Variants in HERC1 observed in about 807,000 individuals in gnomAD.
HERC1 encodes the protein probable E3 ubiquitin-protein ligase HERC1.
HERC1 carries 160 observed loss-of-function variants against 554.3 expected under a neutral mutation model. The ratio of observed to expected loss-of-function variants is 0.29; its 90% CI spans 0.25 to 0.33. The LOEUF is 0.33. Ranked by LOEUF, HERC1 falls within the 10% of genes least tolerant of loss-of-function variation. HERC1 has a pLI of 1.00. For synonymous variants in HERC1, 2,175 were observed against 2,131.7 expected, an observed-to-expected ratio of 1.02 and a Z score of -0.56; for missense variants, 4,919 against 5,918.5, an observed-to-expected ratio of 0.83 and a Z score of 5.54.
At chr15:63,639,124 A>C (rs1262270335) in intron 61 of HERC1, among the ~76,000 whole-genome samples, 1 of 152,188 alleles carries the variant, frequency 6.6e-6, no homozygotes, top group Non-Finnish European at 1.5e-5. Context: ...TCTGGGCTTC[A>C]GCTTCCTCAT....
chr15:63,623,949 C>T, intron 72 of HERC1, 59 bp from the exon 73 acceptor site: 1 of 1,558,842 alleles, frequency 6.4e-7, no homozygotes, highest in African/African-American at 1.4e-5. Context: ...CCCAAAATCA[C>T]ATGATATCTT....
rs1469913123 is a variant in HERC1 at position 63,756,374 on chromosome 15, G to A, written c.1533+63C>T. ...AGAAAGAACACATCAAAATCTGAAC[G>A]ACATTGTCAATTACAACTCCAATGC... On this transcript the variant is annotated intron_variant, in intron 5 of 77. Coordinates refer to ENST00000443617, the MANE Select transcript of HERC1 (RefSeq NM_003922.4). The surrounding 1 kb of genome is among the most constrained non-coding windows in gnomAD (Gnocchi z 5.0). 1.8e-5 allele frequency: 25 copies of A among 1,353,322 alleles called. No individual in the cohort carries two copies. The highest frequency in any genetic ancestry group is 2.3e-5 in the East Asian group (1 of 43,534). 83.8% of individuals were successfully genotyped at this position (1,353,322 alleles called of 1,614,324 possible).
intron 57 of HERC1, 25 bp from the exon 58 acceptor site, chr15:63,643,575 C>G (rs1411885480): frequency 2.0e-6 from 3 of 1,483,678 alleles, no homozygotes; most frequent in Non-Finnish European, 2.7e-6. Context: ...TTTTAACATG[C>G]ATTAAAATAA....
intron 74 of HERC1, among the ~76,000 whole-genome samples, chr15:63,618,570 T>C (rs1156709269): frequency 2.6e-5 from 4 of 152,094 alleles, no homozygotes; most frequent in African/African-American, 9.7e-5. Context: ...GGGGATGGCA[T>C]TGAATCTATA....
In HERC1 at chr15:63,766,479, T is replaced by C. The variant is rs1023659184; in HGVS notation, c.931-2288A>G. Among the ~76,000 whole-genome samples, 4 of 152,118 alleles carry C rather than the reference T, an allele frequency of 2.6e-5. 1 individual carries two copies. The highest frequency in any genetic ancestry group is 4.1e-4 in the South Asian group (2 of 4,836). On this transcript the variant is annotated intron_variant, in intron 2 of 77. Coordinates refer to ENST00000443617, the MANE Select transcript of HERC1 (RefSeq NM_003922.4). ...GGCATGTGCCTGTAATCCTAGATAC[T>C]TGAGAGGCTGAGGCAGGAAAATCGC...
chr15:63,754,553 G>C lies in HERC1; in HGVS notation c.1726C>G (p.Leu576Val), dbSNP rs755354320. 2.5e-6 allele frequency: 4 copies of C among 1,613,510 alleles called. No individual in the cohort carries two copies. In the South Asian group the frequency reaches 4.4e-5, roughly 18 times the overall value. The change falls in exon 7 of 78, where the codon CTG becomes GTG. Residue 576 changes from leucine to valine, a missense_variant. Leu to Val is a conservative substitution (Grantham distance 32). Coordinates refer to ENST00000443617, the MANE Select transcript of HERC1 (RefSeq NM_003922.4). ...CATACAGTTCTCCCATCTTTAGACA[G>C]AGCAATAGTATGTGAACTGCCACAA... ...VSCGSSHTIA[L>V]SKDGRTVWSF...
rs374495794 is a variant in HERC1 at position 63,674,659 on chromosome 15, T to G, written c.7529A>C (p.Tyr2510Ser). Residue 2510 changes from tyrosine (Y) to serine (S), a missense_variant, in exon 38 of 78, where the codon TAT (tyrosine) becomes TCT (serine). This residue lies in a region of HERC1 where 1,963 missense variants were observed against 2,228.6 expected (regional missense o/e 0.88). Coordinates refer to ENST00000443617, the MANE Select transcript of HERC1 (RefSeq NM_003922.4). ...TGACTTCATAGCACCGAGGTAAAGA[T>G]AGGACAGCTGGACTGCTCTGATTTC... ...QSEIRAVQLS[Y>S]LYLGAMKSLS... 1.9e-6 allele frequency: 3 copies of G among 1,613,898 alleles called. No individual in the cohort carries two copies. Among genetic ancestry groups the G allele is most frequent in the Non-Finnish European group, 1.7e-6 (2 of 1,179,828 alleles).
At chr15:63,824,533 CAA>C (rs34774319) in intron 1 of HERC1, among the ~76,000 whole-genome samples, 5 of 131,968 alleles carry the variant, frequency 3.8e-5, no homozygotes, top group Non-Finnish European at 4.8e-5. Context: ...GACTCCATCT[CAA>C]AAAAAAAAAA....
At chr15:63,828,689 TATA>T (rs567085976) in intron 1 of HERC1, among the ~76,000 whole-genome samples, 212 of 152,260 alleles carry the variant, frequency 1.4e-3, no homozygotes, top group African/African-American at 4.8e-3. Flanking sequence ...GTTTAGTAAC[TATA>T]ATGTTTCATA....
At chr15:63,751,558 T>A (rs2075247457) in intron 8 of HERC1, among the ~76,000 whole-genome samples, 3 of 152,120 alleles carry the variant, frequency 2.0e-5, no homozygotes, top group Admixed American at 6.5e-5. Context: ...TTGGCTTGCC[T>A]TTAGAGACTG....
chr15:63,813,712 A>G (rs1596313410), intron 1 of HERC1, among the ~76,000 whole-genome samples: 1 of 152,288 alleles, frequency 6.6e-6, no homozygotes, highest in African/African-American at 2.4e-5. Flanking sequence ...GTGTTTCTGT[A>G]TGTACCATTT....
At position 63,680,448 on chromosome 15, in the gene HERC1, C is replaced by G; in HGVS notation, c.6465+89G>C. 1 of 1,349,980 alleles carries G rather than the reference C, an allele frequency of 7.4e-7. No individual in the cohort carries two copies. The highest frequency in any genetic ancestry group is 1.0e-6 in the Non-Finnish European group (1 of 990,006). The allele number at this position is 1,349,980 out of a possible 1,614,324, so 83.6% of individuals were successfully genotyped here. ...GAGAAAGGAGAGACGAGCAGATAAT[C>G]TATAAACTGAATACGTGGCACTTGA... On this transcript the variant is annotated intron_variant, in intron 35 of 77. Transcript: ENST00000443617. The surrounding 1 kb of genome is among the most constrained non-coding windows in gnomAD (Gnocchi z 5.8).
chr15:63,637,944 A>C (rs1005775768), intron 63 of HERC1, among the ~76,000 whole-genome samples: 3 of 152,230 alleles, frequency 2.0e-5, no homozygotes, highest in Admixed American at 6.5e-5. Context: ...AAGAAGCAGA[A>C]ACTCGTACAT....
chr15:63,666,196 T>C, intron 41 of HERC1, 46 bp from the exon 42 acceptor site: 7 of 1,505,622 alleles, frequency 4.6e-6, no homozygotes, highest in Non-Finnish European at 5.4e-6. Flanking sequence ...GGCAAAGAAT[T>C]AGGTCTTTAT....
chr15:63,811,412 G>A (rs536098821), intron 1 of HERC1, among the ~76,000 whole-genome samples: 11 of 152,196 alleles, frequency 7.2e-5, no homozygotes, highest in African/African-American at 1.9e-4. Flanking sequence ...GGTGAAAAGC[G>A]CTATTCTTCA....
rs1202488945 is a variant in HERC1, at chr15:63,692,397, C to G, written c.5830+14G>C. 12 of 1,580,848 alleles carry G rather than the reference C, an allele frequency of 7.6e-6. No individual in the cohort carries two copies. The highest frequency in any genetic ancestry group is 1.2e-5 in the South Asian group (1 of 85,002). ...ATCTATAAATACTCTAAGACAAAGGCAAAGGACATGTACCTGAAGAACATT... is the reference window on the plus strand; with the variant it reads ...ATCTATAAATACTCTAAGACAAAGGGAAAGGACATGTACCTGAAGAACATT... On this transcript the variant is annotated intron_variant, in intron 31 of 77. Transcript: ENST00000443617. The surrounding 1 kb of genome is among the most constrained non-coding windows in gnomAD (Gnocchi z 4.7).
At chr15:63,640,573 T>A in intron 60 of HERC1, 128 bp from the exon 61 acceptor site, 1 of 787,222 alleles carries the variant, frequency 1.3e-6, no homozygotes, top group Non-Finnish European at 2.0e-6. Flanking sequence ...TGCTAGGAAA[T>A]AATTTTAGAT....
chr15:63,613,463 T>G (rs1405979064), intron 76 of HERC1, among the ~76,000 whole-genome samples: 1 of 152,200 alleles, frequency 6.6e-6, no homozygotes, highest in Non-Finnish European at 1.5e-5. Context: ...TCATAAATAC[T>G]TCTTTGCTCT....
At position 63,734,940 on chromosome 15, in the gene HERC1, C is replaced by A. The variant is rs1432668831; in HGVS notation, c.2521-91G>T. 2 of 1,067,612 alleles carry A rather than the reference C, an allele frequency of 1.9e-6. No homozygotes were observed. Among genetic ancestry groups the A allele is most frequent in the Non-Finnish European group, 2.7e-6 (2 of 747,390 alleles). The allele number at this position is 1,067,612 out of a possible 1,614,324, so 66.1% of individuals were successfully genotyped here. A position where few individuals can be genotyped will look rare whatever the true frequency, so the allele number is the denominator to read the frequency against. On this transcript the variant is annotated intron_variant, in intron 12 of 77. Transcript: ENST00000443617. The surrounding 1 kb of genome is among the most constrained non-coding windows in gnomAD (Gnocchi z 4.6). ...AAGCGAACTCACTGACTACTAGGAT[C>A]ATGTAAGTCTAAAAAAGATGGCATG... is the stretch of plus-strand genomic sequence containing the variant.
Sources: gnomAD v4.1 joint callset for allele counts (sites outside exome capture counted in the v4.1 genomes callset) on GRCh38, gnomAD v4.1.1 for gene constraint, gnomAD v4.1.1 regional missense constraint, Gnocchi (gnomAD v3.1) non-coding constraint, MANE v1.5 for transcripts, NCBI Gene and HGNC (gene_info 2026-07-23, HGNC 2026-07-21) for gene names.